MCM9: variants seen among roughly 807,000 people sequenced by gnomAD.
MCM9 encodes the protein DNA helicase MCM9.
MCM9 carries 55 observed loss-of-function variants against 72.8 expected under a neutral mutation model. That is an observed-to-expected ratio of 0.76 (90% CI 0.61 to 0.95). MCM9 has a LOEUF of 0.95. MCM9 is among the 40% of genes least tolerant of loss of function. The probability of loss-of-function intolerance (pLI) is 0.00; values close to 1 mark genes in which losing one functional copy is unlikely to be tolerated. For missense variants in MCM9, 1,279 were observed against 1,377.0 expected (o/e 0.93, Z 1.13); for synonymous variants, 480 against 503.4 (o/e 0.95, Z 0.62).
intron 13 of MCM9, among the ~76,000 whole-genome samples, chr6:118,820,578 C>T (rs1441107633): frequency 6.6e-6 from 1 of 152,112 alleles, no homozygotes; most frequent in African/African-American, 2.4e-5. Context: ...CTATGTGGTG[C>T]TGAGAAGAAT....
intron 6 of MCM9, among the ~76,000 whole-genome samples, chr6:118,914,551 AG>A (rs1232228547): frequency 6.6e-6 from 1 of 152,214 alleles, no homozygotes; most frequent in Non-Finnish European, 1.5e-5. Flanking sequence ...TAGTAAATCC[AG>A]GAAGTTCATT....
intron 13 of MCM9, 116 bp from the exon 14 acceptor site, chr6:118,816,410 C>G (rs916231662): frequency 3.7e-6 from 3 of 815,632 alleles, no homozygotes; most frequent in Non-Finnish European, 5.3e-6. Flanking sequence ...CACATAATTC[C>G]AAGTTAATAT....
At chr6:118,829,877 AAGAG>A (rs1336266352) in intron 9 of MCM9, among the ~76,000 whole-genome samples, 2 of 151,908 alleles carry the variant, frequency 1.3e-5, no homozygotes, top group Non-Finnish European at 2.9e-5. Context: ...AGAAACAAAA[AAGAG>A]AGAAAGAGGG....
Position 118,826,200 on chromosome 6 carries a change from C to T in MCM9, c.1908G>A (p.Leu636=), listed in dbSNP as rs887880589. 6.5e-7 allele frequency: 1 copy of T among 1,550,340 alleles called. No homozygotes were observed. The highest frequency in any genetic ancestry group is 8.7e-7 in the Non-Finnish European group (1 of 1,146,938). ...EQYQRQCELI[L]EKLELQSLLS... is the part of the protein sequence containing the mutation. ...AGAGGCTCTGCAGCTCTAGCTTTTC[C>T]AGAATAAGTTCACACTGTCTCTGGT... The change falls in exon 13 of 14, where the codon CTG becomes CTA. Residue 636 remains leucine, a synonymous_variant. Coordinates refer to ENST00000619706, the MANE Select transcript of MCM9 (RefSeq NM_017696.3).
At chr6:118,822,923 C>A (rs1390305522) in intron 13 of MCM9, among the ~76,000 whole-genome samples, 1 of 152,094 alleles carries the variant, frequency 6.6e-6, no homozygotes, top group Non-Finnish European at 1.5e-5. Context: ...AGAGGAAAAC[C>A]GCCTACTCAA....
At chr6:118,925,048 A>G (rs1327137015) in intron 3 of MCM9, among the ~76,000 whole-genome samples, 1 of 151,972 alleles carries the variant, frequency 6.6e-6, no homozygotes, top group Non-Finnish European at 1.5e-5. Context: ...TGTCCAAAAA[A>G]AAAGAAAGAC....
At chr6:118,819,871 T>G (rs1181911757) in intron 13 of MCM9, among the ~76,000 whole-genome samples, 1 of 152,200 alleles carries the variant, frequency 6.6e-6, no homozygotes, top group African/African-American at 2.4e-5. Context: ...GTCCAGAAAT[T>G]TATCCATTTC....
Position 118,857,669 on chromosome 6 carries a change from A to G in MCM9, c.1151-1124T>C, listed in dbSNP as rs562467565. On this transcript the variant is annotated intron_variant, in intron 8 of 13. Transcript: ENST00000619706. ...AAAAAAGAGGAGACACAAGTTACAA[A>G]TATCAGGAATGAAAGAGGGGGCATA... is the stretch of plus-strand genomic sequence containing the variant. Among the ~76,000 whole-genome samples the G allele has an allele frequency of 5.0e-4, 76 of 150,664 alleles. 2 individuals carry two copies. The South Asian group carries it at 0.016, about 31-fold the overall frequency.
chr6:118,838,636 T>C (rs1462095724), intron 9 of MCM9, among the ~76,000 whole-genome samples: 3 of 152,216 alleles, frequency 2.0e-5, no homozygotes, highest in Non-Finnish European at 2.9e-5. Context: ...TTAGCCAGGA[T>C]GGTCTTGATC....
chr6:118,886,522 C>CAA (rs991525103), intron 8 of MCM9, among the ~76,000 whole-genome samples: 8 of 142,442 alleles, frequency 5.6e-5, no homozygotes, highest in Non-Finnish European at 1.5e-5. Flanking sequence ...TGACAGATAC[C>CAA]AAAAAAAAAA....
At chr6:118,836,989 C>G (rs1432005964) in intron 9 of MCM9, among the ~76,000 whole-genome samples, 1 of 152,108 alleles carries the variant, frequency 6.6e-6, no homozygotes, top group Non-Finnish European at 1.5e-5. Flanking sequence ...AGATCTTTCC[C>G]ACTTTCTGAT....
chr6:118,815,523 C>T lies in MCM9; in HGVS notation c.2733G>A (p.Lys911=). The change falls in exon 14 of 14, where the codon AAG becomes AAA. Residue 911 remains lysine (K), a synonymous_variant. Coordinates refer to ENST00000619706, the MANE Select transcript of MCM9 (RefSeq NM_017696.3). ...QVEEPAIENV[K]PPGSPVAKLA... is the part of the protein sequence containing the mutation. ...GTTTGGCCACAGGGGAACCTGGAGG[C>T]TTAACATTTTCAATTGCAGGCTCTT... is the stretch of plus-strand genomic sequence containing the variant. 2 of 1,548,370 alleles carry T rather than the reference C, an allele frequency of 1.3e-6. No homozygotes were observed. The highest frequency in any genetic ancestry group is 1.7e-6 in the Non-Finnish European group (2 of 1,146,344).
At chr6:118,827,264 T>C (rs1774227066) in intron 11 of MCM9, among the ~76,000 whole-genome samples, 1 of 152,236 alleles carries the variant, frequency 6.6e-6, no homozygotes, top group African/African-American at 2.4e-5. Context: ...AAACAAGCAA[T>C]TCTAAATTCT....
intron 11 of MCM9, 98 bp downstream of exon 11, chr6:118,827,829 G>A: frequency 8.8e-6 from 10 of 1,136,526 alleles, no homozygotes; most frequent in Non-Finnish European, 1.3e-5. Flanking sequence ...CTTAGAGTGG[G>A]AGTTATTCTC....
At chr6:118,827,854 C>T in intron 11 of MCM9, 73 bp downstream of exon 11, 1 of 1,382,432 alleles carries the variant, frequency 7.2e-7, no homozygotes. Flanking sequence ...AACTTTGAAT[C>T]CATGGTGCCA....
At chr6:118,854,920 C>T (rs993173620) in intron 9 of MCM9, among the ~76,000 whole-genome samples, 2 of 152,032 alleles carry the variant, frequency 1.3e-5, no homozygotes, top group Non-Finnish European at 2.9e-5. Flanking sequence ...TATGTCATTG[C>T]TTTTTCATTT....
chr6:118,925,902 C>A (rs897290128), intron 3 of MCM9, among the ~76,000 whole-genome samples: 1 of 151,814 alleles, frequency 6.6e-6, no homozygotes, highest in African/African-American at 2.4e-5. Flanking sequence ...TACATGAATA[C>A]TTTAAAAAAA....
intron 9 of MCM9, among the ~76,000 whole-genome samples, chr6:118,851,495 G>A (rs1033043427): frequency 6.6e-6 from 1 of 151,802 alleles, no homozygotes; most frequent in African/African-American, 2.4e-5. Context: ...TTGTACAAAT[G>A]TCTTTATGAA....
intron 8 of MCM9, among the ~76,000 whole-genome samples, chr6:118,863,790 A>C (rs143761559): frequency 0.02 from 3,028 of 152,216 alleles, 111 homozygotes; most frequent in African/African-American, 0.07. Flanking sequence ...CATCAGCAAG[A>C]AGGCCTTTAC....
Sources: gnomAD v4.1 joint callset for allele counts (sites outside exome capture counted in the v4.1 genomes callset) on GRCh38, gnomAD v4.1.1 for gene constraint, MANE v1.5 for transcripts, NCBI Gene and HGNC (gene_info 2026-07-23, HGNC 2026-07-21) for gene names.